The following SLCO2A1 variants were observed in gnomAD, a reference collection of about 807,000 sequenced individuals.
The protein encoded by SLCO2A1 is matrin F/G 1.
A neutral mutation model predicts 71.7 loss-of-function variants in SLCO2A1; 60 were observed. That is an observed-to-expected ratio of 0.84 (90% CI 0.68 to 1.04). The LOEUF is 1.04. SLCO2A1 is among the 50% of genes least tolerant of loss of function. The probability of loss-of-function intolerance (pLI) is 0.00; values close to 1 mark genes in which losing one functional copy is unlikely to be tolerated. For missense variants in SLCO2A1, 745 were observed against 813.4 expected, an observed-to-expected ratio of 0.92 and a Z score of 1.02; for synonymous variants, 308 against 326.7, an observed-to-expected ratio of 0.94 and a Z score of 0.62.
At chr3:133,955,517 A>G (rs1299586678) in intron 3 of SLCO2A1, 2 of 335,232 alleles carry the variant, frequency 6.0e-6, no homozygotes, top group East Asian at 1.3e-4. Flanking sequence ...CTGAGCACGG[A>G]GAAGTCAGTA....
intron 1 of SLCO2A1, among the ~76,000 whole-genome samples, chr3:133,989,970 A>G (rs532636502): frequency 1.1e-4 from 16 of 149,744 alleles, no homozygotes; most frequent in African/African-American, 3.9e-4. Flanking sequence ...CTGGGCACAA[A>G]CCTTCACACT....
At chr3:134,021,470 G>T (rs1034399131) in intron 1 of SLCO2A1, among the ~76,000 whole-genome samples, 2 of 152,140 alleles carry the variant, frequency 1.3e-5, no homozygotes, top group Non-Finnish European at 2.9e-5. Context: ...CCTGTACATA[G>T]ACACTTGGTT....
intron 1 of SLCO2A1, among the ~76,000 whole-genome samples, chr3:134,002,431 C>T (rs1298440171): frequency 6.6e-6 from 1 of 152,214 alleles, no homozygotes; most frequent in Non-Finnish European, 1.5e-5. Flanking sequence ...TCAATGACAG[C>T]TCCTACATTT....
chr3:133,934,683 T>C lies in SLCO2A1; in HGVS notation c.*30A>G. ...GGTGTGGAAGAGTCAAGGTCCACTC[T>C]CTGGAGCAGGGCAGTGGCCCAGGGT... On this transcript the variant is annotated 3_prime_UTR_variant, in exon 14 of 14. Transcript: ENST00000310926. The C allele has an allele frequency of 6.7e-7, 1 of 1,486,824 alleles. No homozygotes were observed. Among genetic ancestry groups the C allele is most frequent in the Non-Finnish European group, 9.4e-7 (1 of 1,064,972 alleles). The allele number at this position is 1,486,824 out of a possible 1,614,324, so 92.1% of individuals were successfully genotyped here.
intron 11 of SLCO2A1, among the ~76,000 whole-genome samples, chr3:133,941,134 G>T (rs1160746348): frequency 6.6e-6 from 1 of 152,120 alleles, no homozygotes; most frequent in Non-Finnish European, 1.5e-5. Context: ...AGTTTGATTT[G>T]ATAGCTTTCA....
At chr3:133,979,061 C>A (rs1272191531) in intron 2 of SLCO2A1, among the ~76,000 whole-genome samples, 5 of 152,156 alleles carry the variant, frequency 3.3e-5, no homozygotes, top group Admixed American at 2.0e-4. Flanking sequence ...CCTCTCTAGA[C>A]TATGTATGGG....
At chr3:134,002,071 C>T (rs1417665336) in intron 1 of SLCO2A1, among the ~76,000 whole-genome samples, 1 of 152,216 alleles carries the variant, frequency 6.6e-6, no homozygotes, top group African/African-American at 2.4e-5. Context: ...TCCTTGCTTA[C>T]CTACAGTATT....
intron 11 of SLCO2A1, among the ~76,000 whole-genome samples, chr3:133,940,728 G>C (rs1296447942): frequency 1.3e-5 from 2 of 152,190 alleles, no homozygotes; most frequent in East Asian, 3.9e-4. Flanking sequence ...GGTAGAGAAG[G>C]GGGTGACAGT....
chr3:133,963,674 A>C (rs1934097500), intron 3 of SLCO2A1, among the ~76,000 whole-genome samples: 2 of 152,200 alleles, frequency 1.3e-5, no homozygotes, highest in Admixed American at 6.5e-5. Context: ...AGCAAGCCCC[A>C]AACTTCAGAA....
At chr3:133,952,965 CT>C (rs1933784467) in intron 5 of SLCO2A1, among the ~76,000 whole-genome samples, 13 of 151,960 alleles carry the variant, frequency 8.6e-5, no homozygotes, top group Admixed American at 8.5e-4. Context: ...TATGATGTTT[CT>C]TTTTTTTCCT....
At chr3:133,961,893 G>T (rs1346284931) in intron 3 of SLCO2A1, among the ~76,000 whole-genome samples, 1 of 152,132 alleles carries the variant, frequency 6.6e-6, no homozygotes, top group African/African-American at 2.4e-5. Flanking sequence ...GCAACCCCGA[G>T]GTCAGTGCTA....
At chr3:133,957,516 C>T (rs996505747) in intron 3 of SLCO2A1, among the ~76,000 whole-genome samples, 61 of 152,278 alleles carry the variant, frequency 4.0e-4, no homozygotes, top group African/African-American at 1.3e-3. Flanking sequence ...AAAGTCCAAA[C>T]TGAAATCAAG....
chr3:133,946,277 T>C (rs1470103764), intron 9 of SLCO2A1, among the ~76,000 whole-genome samples: 1 of 147,170 alleles, frequency 6.8e-6, no homozygotes, highest in Admixed American at 6.8e-5. Context: ...GGCTGAAAGG[T>C]ACAGCATCTC....
At chr3:133,954,508 T>A (rs1933833884) in intron 4 of SLCO2A1, among the ~76,000 whole-genome samples, 1 of 152,202 alleles carries the variant, frequency 6.6e-6, no homozygotes, top group African/African-American at 2.4e-5. Flanking sequence ...CACGTGGTCA[T>A]CTGCTATCTG....
chr3:133,981,317 G>A (rs1438581432), intron 1 of SLCO2A1, among the ~76,000 whole-genome samples: 2 of 152,182 alleles, frequency 1.3e-5, no homozygotes, highest in African/African-American at 4.8e-5. Flanking sequence ...AGGCATCTGA[G>A]GTCAAATTGC....
chr3:134,005,390 A>T (rs1935184902), intron 1 of SLCO2A1, among the ~76,000 whole-genome samples: 1 of 152,060 alleles, frequency 6.6e-6, no homozygotes, highest in Admixed American at 6.5e-5. Context: ...TCTCTTTTAA[A>T]GAGCATGTAA....
chr3:133,985,665 C>A (rs893866765), intron 1 of SLCO2A1, among the ~76,000 whole-genome samples: 5 of 152,176 alleles, frequency 3.3e-5, no homozygotes, highest in African/African-American at 1.2e-4. Flanking sequence ...ATATAGACTT[C>A]ATGGTGGAAA....
rs114429459 is a variant in SLCO2A1, at chr3:133,984,746, T to C, written c.97-5128A>G. Among the ~76,000 whole-genome samples, 236 of 152,338 alleles carry C rather than the reference T, an allele frequency of 1.5e-3. 1 individual carries two copies. The highest frequency in any genetic ancestry group is 5.4e-3 in the African/African-American group (226 of 41,570). On this transcript the variant is annotated intron_variant, in intron 1 of 13. Transcript: ENST00000310926. ...TGGTGGGAGGAAAAGGTTTGCTAGT[T>C]GGGTTGCAACCTACCCTTCCCCATT...
rs539544402 is a variant in SLCO2A1 at position 134,018,149 on chromosome 3, A to G, written c.96+11558T>C. On this transcript the variant is annotated intron_variant, in intron 1 of 13. Coordinates refer to ENST00000310926, the MANE Select transcript of SLCO2A1 (RefSeq NM_005630.3). The stretch of plus-strand genomic sequence containing the variant: ...CGTTGTTCTCTCTTCCTTTCTCCCT[A>G]CAAGCAGGGGAAGCAGGCCTCTCAG... Among the ~76,000 whole-genome samples the G allele has an allele frequency of 3.9e-5, 6 of 152,004 alleles. No homozygotes were observed. The South Asian group carries it at 1.0e-3, about 26-fold the overall frequency.
Sources: gnomAD v4.1 joint callset for allele counts (sites outside exome capture counted in the v4.1 genomes callset) on GRCh38, gnomAD v4.1.1 for gene constraint, MANE v1.5 for transcripts, NCBI Gene and HGNC (gene_info 2026-07-23, HGNC 2026-07-21) for gene names.